Variants in OPCML observed in about 807,000 individuals in gnomAD.
The protein encoded by OPCML is opioid-binding protein/cell adhesion molecule.
OPCML carries 13 observed loss-of-function variants against 37.8 expected under a neutral mutation model. The ratio of observed to expected loss-of-function variants is 0.34; its 90% CI spans 0.22 to 0.55. The LOEUF (loss-of-function observed/expected upper bound fraction) is 0.55. Ranked by LOEUF, OPCML falls within the 20% of genes least tolerant of loss-of-function variation. OPCML has a pLI of 0.91. For synonymous variants in OPCML, 176 were observed against 168.8 expected (o/e 1.04, Z -0.33); for missense variants, 341 against 435.6 (o/e 0.78, Z 1.93).
intron 4 of OPCML, among the ~76,000 whole-genome samples, chr11:132,478,703 C>T (rs2096166245): frequency 6.6e-6 from 1 of 152,076 alleles, no homozygotes; most frequent in Admixed American, 6.5e-5. Context: ...GATAATACTG[C>T]TTGAGCCTAG....
chr11:132,704,956 T>C (rs1213620556), intron 2 of OPCML, among the ~76,000 whole-genome samples: 1 of 152,182 alleles, frequency 6.6e-6, no homozygotes, highest in Non-Finnish European at 1.5e-5. Context: ...GGTTGGGAGA[T>C]GGAAGAGTGA....
intron 1 of OPCML, chr11:133,066,925 C>T (rs544529235): frequency 2.6e-5 from 4 of 152,242 alleles, no homozygotes; most frequent in Admixed American, 6.5e-5. Context: ...ATGATTCACC[C>T]GCCTCAGCCT....
At chr11:132,579,990 G>A (rs1365691893) in intron 3 of OPCML, among the ~76,000 whole-genome samples, 2 of 152,174 alleles carry the variant, frequency 1.3e-5, no homozygotes, top group Admixed American at 1.3e-4. Context: ...ATCAAGGGCA[G>A]GCTCTGGTCC....
intron 1 of OPCML, among the ~76,000 whole-genome samples, chr11:133,353,288 T>A (rs1355630615): frequency 6.6e-6 from 1 of 152,040 alleles, no homozygotes; most frequent in Non-Finnish European, 1.5e-5. Flanking sequence ...GGCCTCAGCC[T>A]CCCAAGTAGC....
In OPCML at chr11:132,419,843, A is replaced by G. The variant is rs556968110; in HGVS notation, c.*350T>C. On this transcript the variant is annotated 3_prime_UTR_variant, in exon 8 of 8. Coordinates refer to ENST00000524381, the MANE Select transcript of OPCML (RefSeq NM_001012393.5). The stretch of plus-strand genomic sequence containing the variant: ...TATTGTGAGGCTCAATTTTTGCCCA[A>G]ATGAAACTTACGTTTTGTTGTGTGT... 2 of 222,614 alleles carry G rather than the reference A, an allele frequency of 9.0e-6. No individual in the cohort carries two copies. The highest frequency in any genetic ancestry group is 1.8e-5 in the Non-Finnish European group (2 of 113,398). The allele number at this position is 222,614 out of a possible 1,614,324, so 13.8% of individuals were successfully genotyped here. A position where few individuals can be genotyped will look rare whatever the true frequency, so the allele number is the denominator to read the frequency against.
intron 2 of OPCML, among the ~76,000 whole-genome samples, chr11:132,893,911 G>C (rs1042391082): frequency 9.2e-5 from 14 of 152,074 alleles, no homozygotes; most frequent in African/African-American, 3.1e-4. Flanking sequence ...CTTGTTTCTT[G>C]GTCTGGTTGT....
chr11:132,674,531 T>A (rs1278983982), intron 2 of OPCML, among the ~76,000 whole-genome samples: 1 of 152,230 alleles, frequency 6.6e-6, no homozygotes, highest in Non-Finnish European at 1.5e-5. Flanking sequence ...CCAAAGTCTA[T>A]GTGCACACTC....
intron 1 of OPCML, among the ~76,000 whole-genome samples, chr11:133,000,267 C>T (rs1201834449): frequency 1.3e-5 from 2 of 152,014 alleles, no homozygotes; most frequent in Non-Finnish European, 2.9e-5. Flanking sequence ...CACGCACCAC[C>T]GCACCCAACG....
intron 1 of OPCML, among the ~76,000 whole-genome samples, chr11:133,217,681 C>T (rs1194933577): frequency 6.6e-6 from 1 of 152,174 alleles, no homozygotes; most frequent in Non-Finnish European, 1.5e-5. Flanking sequence ...CTGCACCGAT[C>T]TGCTGGGATT....
chr11:133,224,389 C>T (rs929812630), intron 1 of OPCML, among the ~76,000 whole-genome samples: 5 of 152,178 alleles, frequency 3.3e-5, no homozygotes, highest in Admixed American at 1.3e-4. Context: ...GCTCCGTGCC[C>T]GAAAAGGGCA....
chr11:133,406,959 C>T (rs1818158985), intron 1 of OPCML, among the ~76,000 whole-genome samples: 1 of 152,202 alleles, frequency 6.6e-6, no homozygotes, highest in African/African-American at 2.4e-5. Context: ...GGAAGACAAC[C>T]TGGAAAGTCT....
At chr11:132,786,024 A>T (rs1947198261) in intron 2 of OPCML, among the ~76,000 whole-genome samples, 1 of 152,164 alleles carries the variant, frequency 6.6e-6, no homozygotes, top group South Asian at 2.1e-4. Flanking sequence ...TAATATAAAC[A>T]CAGGAAGCAA....
At chr11:132,827,342 A>G (rs187594292) in intron 2 of OPCML, among the ~76,000 whole-genome samples, 1 of 152,318 alleles carries the variant, frequency 6.6e-6, no homozygotes, top group Non-Finnish European at 1.5e-5. Context: ...TGGGAGTTGC[A>G]AATTTAAACA....
At position 133,532,300 on chromosome 11, in the gene OPCML, C is replaced by G; in HGVS notation, c.25G>C (p.Val9Leu). The G allele has an allele frequency of 6.2e-7, 1 of 1,613,996 alleles. No homozygotes were observed. The highest frequency in any genetic ancestry group is 8.5e-7 in the Non-Finnish European group (1 of 1,179,970). MYHPAYWV[V>L]FSATTALLFI... is the part of the protein sequence containing the mutation. ...AGCAGGGCAGTTGTCGCCGAGAAGACGACCCAGTAGGCAGGATGGTACATC... is the reference window on the plus strand; with the variant it reads ...AGCAGGGCAGTTGTCGCCGAGAAGAGGACCCAGTAGGCAGGATGGTACATC... Residue 9 changes from valine to leucine, a missense_variant, in exon 1 of 8, where the codon GTC (valine) becomes CTC (leucine). Transcript: ENST00000524381.
intron 4 of OPCML, among the ~76,000 whole-genome samples, chr11:132,462,382 T>G (rs2096105444): frequency 1.3e-5 from 2 of 152,202 alleles, no homozygotes; most frequent in Non-Finnish European, 2.9e-5. Context: ...TGGGCTTCCC[T>G]GTACCAACAA....
At chr11:132,995,284 C>T (rs941184711) in intron 1 of OPCML, among the ~76,000 whole-genome samples, 3 of 152,098 alleles carry the variant, frequency 2.0e-5, no homozygotes, top group African/African-American at 7.2e-5. Flanking sequence ...ATGAACTGTG[C>T]TGTGCTCGTT....
chr11:132,888,059 A>C (rs112016388), intron 2 of OPCML, among the ~76,000 whole-genome samples: 1,840 of 152,142 alleles, frequency 0.012, 30 homozygotes, highest in African/African-American at 0.041. Context: ...TTTGGATGAG[A>C]GTGTGGAAGA....
At chr11:133,410,854 T>G (rs76395305) in intron 1 of OPCML, among the ~76,000 whole-genome samples, 5,733 of 152,166 alleles carry the variant, frequency 0.038, 148 homozygotes, top group Non-Finnish European at 0.057. Flanking sequence ...AAGGCTTTCT[T>G]GGGCCTGTGA....
chr11:133,476,596 T>A (rs970306898), intron 1 of OPCML, among the ~76,000 whole-genome samples: 6 of 152,204 alleles, frequency 3.9e-5, no homozygotes, highest in African/African-American at 1.4e-4. Flanking sequence ...GCATTTGTGA[T>A]GTGTTGGACC....
Sources: gnomAD v4.1 joint callset for allele counts (sites outside exome capture counted in the v4.1 genomes callset) on GRCh38, gnomAD v4.1.1 for gene constraint, MANE v1.5 for transcripts, NCBI Gene and HGNC (gene_info 2026-07-23, HGNC 2026-07-21) for gene names.